CNTN3: variants seen among roughly 807,000 people sequenced by gnomAD.
CNTN3 encodes contactin 3, also known as contactin-3.
Under a neutral mutation model 119.1 loss-of-function variants are expected in CNTN3, and 60 were observed. That is an observed-to-expected ratio of 0.50 (90% CI 0.41 to 0.62). The LOEUF (loss-of-function observed/expected upper bound fraction) is 0.62. Ranked by LOEUF, CNTN3 falls within the 20% of genes least tolerant of loss-of-function variation. The pLI is 0.00. For synonymous variants in CNTN3, 450 were observed against 438.7 expected, an observed-to-expected ratio of 1.03 and a Z score of -0.32; for missense variants, 1,101 against 1,242.4, an observed-to-expected ratio of 0.89 and a Z score of 1.71.
chr3:74,581,037 T>C (rs916020245), intron 1 of CNTN3, among the ~76,000 whole-genome samples: 7 of 152,172 alleles, frequency 4.6e-5, no homozygotes, highest in Admixed American at 4.6e-4. Context: ...TCATTCTTAA[T>C]GGGGAAAATC....
chr3:74,598,107 T>C (rs541024604), intron 1 of CNTN3, among the ~76,000 whole-genome samples: 6 of 152,190 alleles, frequency 3.9e-5, no homozygotes, highest in Non-Finnish European at 4.4e-5. Context: ...TCTCCTACTC[T>C]TGATTCTAGA....
intron 2 of CNTN3, among the ~76,000 whole-genome samples, chr3:74,507,034 C>G (rs1180323571): frequency 8.9e-5 from 5 of 56,020 alleles, no homozygotes; most frequent in Non-Finnish European, 2.1e-4. Flanking sequence ...TGTTTCATAT[C>G]AAACTAGTTC....
At chr3:74,599,715 GAATGTGAAATGTTC>G (rs1427012766) in intron 1 of CNTN3, among the ~76,000 whole-genome samples, 5 of 152,070 alleles carry the variant, frequency 3.3e-5, no homozygotes, top group Non-Finnish European at 7.4e-5. Flanking sequence ...ATGACTAACT[GAATGTGAAATGTTC>G]ATATTGCATC....
chr3:74,486,698 A>C, intron 3 of CNTN3, 67 bp from the exon 4 acceptor site: 1 of 1,310,866 alleles, frequency 7.6e-7, no homozygotes, highest in East Asian at 2.5e-5. Context: ...TCTCCATTAT[A>C]AAATCTACTT....
intron 19 of CNTN3, among the ~76,000 whole-genome samples, chr3:74,289,043 C>G (rs372809708): frequency 2.6e-5 from 4 of 152,138 alleles, no homozygotes; most frequent in African/African-American, 4.8e-5. Flanking sequence ...AAGGAAGGAG[C>G]TATTAACAAT....
At chr3:74,321,442 T>G (rs1272585739) in intron 13 of CNTN3, among the ~76,000 whole-genome samples, 1 of 151,934 alleles carries the variant, frequency 6.6e-6, no homozygotes, top group Non-Finnish European at 1.5e-5. Context: ...TGTCATTGAG[T>G]GCATATAAAA....
intron 1 of CNTN3, among the ~76,000 whole-genome samples, chr3:74,564,430 A>G (rs1704197734): frequency 6.6e-6 from 1 of 151,926 alleles, no homozygotes; most frequent in Non-Finnish European, 1.5e-5. Flanking sequence ...AAGCTGTTGG[A>G]ATGTTTTCAG....
chr3:74,344,551 G>A (rs74878910), intron 11 of CNTN3, among the ~76,000 whole-genome samples: 5,390 of 65,670 alleles, frequency 0.082, 129 homozygotes, highest in African/African-American at 0.098. Context: ...TCAGCCTCCC[G>A]GGTTCACGCC....
chr3:74,446,255 T>C (rs1702046470), intron 4 of CNTN3, among the ~76,000 whole-genome samples: 1 of 152,146 alleles, frequency 6.6e-6, no homozygotes, highest in African/African-American at 2.4e-5. Context: ...ACAACAAAAA[T>C]AGCATATGTG....
intron 1 of CNTN3, among the ~76,000 whole-genome samples, chr3:74,536,997 A>AACACAC (rs10663609): frequency 0.88 from 131,741 of 150,558 alleles, 58,810 homozygotes; most frequent in Non-Finnish European, 0.97. Context: ...TTTCATTTAA[A>AACACAC]ACACACACAC....
chr3:74,283,958 T>A (rs1702062648), intron 20 of CNTN3, among the ~76,000 whole-genome samples: 1 of 152,140 alleles, frequency 6.6e-6, no homozygotes, highest in African/African-American at 2.4e-5. Context: ...TACAAATGGG[T>A]CTTGCTATAG....
At chr3:74,540,858 G>A (rs1219429647) in intron 1 of CNTN3, among the ~76,000 whole-genome samples, 1 of 152,066 alleles carries the variant, frequency 6.6e-6, no homozygotes, top group African/African-American at 2.4e-5. Context: ...GTTTATATGT[G>A]CATATATACA....
intron 1 of CNTN3, among the ~76,000 whole-genome samples, chr3:74,589,177 A>T (rs1165235302): frequency 6.6e-6 from 1 of 152,046 alleles, no homozygotes; most frequent in Non-Finnish European, 1.5e-5. Flanking sequence ...GCAACCTACA[A>T]AATGGGAGAA....
At chr3:74,289,738 G>A (rs142913880) in intron 19 of CNTN3, among the ~76,000 whole-genome samples, 1 of 152,142 alleles carries the variant, frequency 6.6e-6, no homozygotes, top group Non-Finnish European at 1.5e-5. Context: ...ACTTGCTCAA[G>A]GCCATACAGC....
intron 20 of CNTN3, among the ~76,000 whole-genome samples, chr3:74,276,460 A>G (rs1254329298): frequency 6.6e-6 from 1 of 152,194 alleles, no homozygotes; most frequent in African/African-American, 2.4e-5. Flanking sequence ...ACAGTGGAAT[A>G]AAACTGGAAA....
At chr3:74,292,247 C>T (rs1246831203) in intron 19 of CNTN3, among the ~76,000 whole-genome samples, 1 of 152,184 alleles carries the variant, frequency 6.6e-6, no homozygotes, top group Non-Finnish European at 1.5e-5. Context: ...GGATGTCTCA[C>T]ACCTACTGAC....
intron 1 of CNTN3, among the ~76,000 whole-genome samples, chr3:74,562,278 G>T (rs1475667851): frequency 6.6e-6 from 1 of 152,158 alleles, no homozygotes; most frequent in East Asian, 1.9e-4. Context: ...GTCAGAATTA[G>T]GACCTGCTTT....
intron 2 of CNTN3, among the ~76,000 whole-genome samples, chr3:74,516,367 A>G (rs1703451211): frequency 6.7e-6 from 1 of 149,070 alleles, no homozygotes; most frequent in Non-Finnish European, 1.5e-5. Flanking sequence ...CAGTCTACTC[A>G]ATGTGAAGAC....
At chr3:74,562,683 A>C (rs1704170654) in intron 1 of CNTN3, among the ~76,000 whole-genome samples, 1 of 151,826 alleles carries the variant, frequency 6.6e-6, no homozygotes, top group Non-Finnish European at 1.5e-5. Flanking sequence ...TCCACACTGA[A>C]CTCATCTGGA....
Sources: allele counts gnomAD v4.1 joint callset (sites outside exome capture counted in the v4.1 genomes callset), GRCh38; gene constraint gnomAD v4.1.1; transcripts MANE v1.5; gene names NCBI Gene and HGNC (gene_info 2026-07-23, HGNC 2026-07-21).